The following BRF1 variants were observed in gnomAD, a reference collection of about 807,000 sequenced individuals.
BRF1 encodes the protein BRF1 general transcription factor IIIB subunit, also known as transcription factor IIIB 90 kDa subunit.
Under a neutral mutation model 81.7 loss-of-function variants are expected in BRF1, and 59 were observed. The ratio of observed to expected loss-of-function variants is 0.72; its 90% CI spans 0.59 to 0.90. BRF1 has a LOEUF of 0.90. BRF1 is among the 40% of genes least tolerant of loss of function. The pLI is 0.00. For synonymous variants in BRF1, 491 were observed against 395.6 expected (o/e 1.24, Z -2.86); for missense variants, 1,050 against 936.3 (o/e 1.12, Z -1.58).
chr14:105,266,585 TAA>T (rs1377839024), intron 3 of BRF1, among the ~76,000 whole-genome samples: 1 of 152,038 alleles, frequency 6.6e-6, no homozygotes, highest in Non-Finnish European at 1.5e-5. Context: ...CTCAAGCTGA[TAA>T]AGAGTCCTAT....
intron 14 of BRF1, 89 bp from the exon 15 acceptor site, chr14:105,217,889 CGGGT>C: frequency 6.5e-7 from 1 of 1,549,846 alleles, no homozygotes; most frequent in Non-Finnish European, 8.7e-7. Flanking sequence ...GGAGTGCAGG[CGGGT>C]GAGGCCTGGC....
intron 5 of BRF1, among the ~76,000 whole-genome samples, chr14:105,243,078 T>C (rs1250324257): frequency 1.3e-5 from 2 of 152,074 alleles, no homozygotes; most frequent in Admixed American, 1.3e-4. Context: ...ATCATGCCAC[T>C]GCACTCCAGC....
chr14:105,257,543 G>A (rs1017756394), intron 3 of BRF1, among the ~76,000 whole-genome samples: 2 of 152,214 alleles, frequency 1.3e-5, no homozygotes, highest in African/African-American at 2.4e-5. Context: ...AGAACCCCCA[G>A]GACGGCTGGG....
At chr14:105,250,730 A>T in intron 5 of BRF1, 1 of 1,500,728 alleles carries the variant, frequency 6.7e-7, no homozygotes, top group South Asian at 1.2e-5. Flanking sequence ...TCAAGATGCT[A>T]ACTGCTTCTT....
intron 5 of BRF1, among the ~76,000 whole-genome samples, chr14:105,246,614 T>C (rs937165012): frequency 4.0e-5 from 6 of 151,552 alleles, no homozygotes; most frequent in African/African-American, 1.5e-4. Context: ...GGATTACAGG[T>C]GCCCGTTAAT....
chr14:105,311,705 G>A (rs186744718), intron 1 of BRF1, among the ~76,000 whole-genome samples: 8 of 152,322 alleles, frequency 5.3e-5, no homozygotes, highest in East Asian at 3.9e-4. Flanking sequence ...AAGGGTGACC[G>A]TGGGAACTGT....
chr14:105,280,813 G>C (rs587776245), intron 2 of BRF1, among the ~76,000 whole-genome samples: 1 of 150,752 alleles, frequency 6.6e-6, no homozygotes, highest in East Asian at 2.0e-4. Flanking sequence ...GCATAATCTT[G>C]AGCCCAGGTG....
intron 13 of BRF1, 42 bp from the exon 14 acceptor site, chr14:105,219,095 G>A (rs1360281390): frequency 1.4e-5 from 22 of 1,613,822 alleles, no homozygotes; most frequent in Middle Eastern, 1.6e-4. Flanking sequence ...GAGGGCCCAC[G>A]CCCCAGGCCT....
Position 105,241,289 on chromosome 14 carries a change from G to T in BRF1, c.670C>A (p.Arg224Ser). 1.9e-6 allele frequency: 3 copies of T among 1,612,154 alleles called. No homozygotes were observed. Among genetic ancestry groups the T allele is most frequent in the Non-Finnish European group, 2.5e-6 (3 of 1,179,832 alleles). ...MKRDWMHTGR[R>S]PSGLCGAALL... is the part of the protein sequence containing the mutation. Reference sequence around the variant, plus strand: ...CCTGCTCCGCAGAGGCCCGAGGGGCGCCGGCCTGTGTGCATCCAGTCCCGC... The same window carrying T: ...CCTGCTCCGCAGAGGCCCGAGGGGCTCCGGCCTGTGTGCATCCAGTCCCGC... The change falls in exon 6 of 18, where the codon CGC (arginine) becomes AGC (serine). Residue 224 changes from arginine to serine, a missense_variant. By Grantham distance (110) the Arg-to-Ser change is moderately radical. Coordinates refer to ENST00000547530, the MANE Select transcript of BRF1 (RefSeq NM_001519.4).
intron 3 of BRF1, among the ~76,000 whole-genome samples, chr14:105,268,078 C>T (rs996053622): frequency 2.0e-5 from 3 of 152,260 alleles, no homozygotes; most frequent in South Asian, 2.1e-4. Flanking sequence ...AGGGCTCTGA[C>T]GCCCTCTAGG....
At chr14:105,252,116 T>G (rs2055649360) in intron 5 of BRF1, among the ~76,000 whole-genome samples, 1 of 152,126 alleles carries the variant, frequency 6.6e-6, no homozygotes, top group Admixed American at 6.5e-5. Flanking sequence ...GCAGCACTTG[T>G]TTCCCTGTCT....
At chr14:105,258,552 CTTTGG>C (rs1255320831) in intron 3 of BRF1, among the ~76,000 whole-genome samples, 41 of 149,270 alleles carry the variant, frequency 2.7e-4, no homozygotes, top group Non-Finnish European at 4.9e-4. Flanking sequence ...AATCCCAACA[CTTTGG>C]GAGGCCGAGG....
intron 5 of BRF1, among the ~76,000 whole-genome samples, chr14:105,245,077 G>C (rs2054992773): frequency 6.6e-6 from 1 of 152,172 alleles, no homozygotes. Context: ...GGCAGCAATG[G>C]GTCAGGCGTG....
At chr14:105,251,460 G>A (rs1248125270) in intron 5 of BRF1, among the ~76,000 whole-genome samples, 2 of 152,142 alleles carry the variant, frequency 1.3e-5, no homozygotes, top group Non-Finnish European at 1.5e-5. Context: ...TGGACTATAG[G>A]GTGAAACAGG....
intron 6 of BRF1, among the ~76,000 whole-genome samples, chr14:105,240,844 T>C (rs1389249498): frequency 3.5e-4 from 40 of 114,898 alleles, no homozygotes; most frequent in East Asian, 2.4e-4. Context: ...ACTATCCGCG[T>C]AGTCGCCCAG....
chr14:105,295,707 C>T (rs1200258449), intron 1 of BRF1, among the ~76,000 whole-genome samples: 2 of 151,856 alleles, frequency 1.3e-5, no homozygotes, highest in Admixed American at 1.3e-4. Context: ...TCTCTTGAAC[C>T]CAGAAGTTCC....
At chr14:105,223,755 C>T (rs2010787) in intron 10 of BRF1, among the ~76,000 whole-genome samples, 61,455 of 152,062 alleles carry the variant, frequency 0.4, 16,433 homozygotes, top group African/African-American at 0.76. Context: ...GTTCAGAAAT[C>T]AAAGGGCACA....
intron 3 of BRF1, among the ~76,000 whole-genome samples, chr14:105,259,271 C>G (rs2056039246): frequency 6.6e-6 from 1 of 152,132 alleles, no homozygotes; most frequent in Non-Finnish European, 1.5e-5. Context: ...CAGTGAGACC[C>G]TGTTTCTACA....
At chr14:105,304,560 G>A (rs907268682), upstream of BRF1, among the ~76,000 whole-genome samples, 7 of 152,238 alleles carry the variant, frequency 4.6e-5, no homozygotes, top group African/African-American at 9.6e-5. Flanking sequence ...CCCAAGGTGC[G>A]TGCTGCCAGA....
Sources: gnomAD v4.1 joint callset for allele counts (sites outside exome capture counted in the v4.1 genomes callset) on GRCh38, gnomAD v4.1.1 for gene constraint, MANE v1.5 for transcripts, NCBI Gene and HGNC (gene_info 2026-07-23, HGNC 2026-07-21) for gene names.